LINGO2: variants seen among roughly 807,000 people sequenced by gnomAD.
LINGO2 encodes the protein leucine rich repeat and Ig domain containing 2.
LINGO2 carries 14 observed loss-of-function variants against 30.6 expected under a neutral mutation model. The observed-to-expected ratio is 0.46, with a 90% CI of 0.30 to 0.72. LINGO2 has a LOEUF of 0.72. LINGO2 is among the 30% of genes least tolerant of loss of function. The pLI is 0.07. For missense variants in LINGO2, 729 were observed against 751.7 expected, an observed-to-expected ratio of 0.97 and a Z score of 0.35; for synonymous variants, 317 against 288.5, an observed-to-expected ratio of 1.10 and a Z score of -1.00.
chr9:29,208,918 C>T, the LINGO2 span, among the ~76,000 whole-genome samples: 3 of 152,090 alleles, frequency 2.0e-5, no homozygotes. Context: ...GAACTAGGAT[C>T]TTCTCTCTTG....
exon 6 of LINGO2, chr9:27,949,530 A>G: frequency 1.2e-6 from 2 of 1,613,970 alleles, no homozygotes; most frequent in South Asian, 1.1e-5. Context: ...GCCAGCACAC[A>G]TAGGTTGCTG....
At chr9:29,173,702 GAAGA>G in the LINGO2 span, among the ~76,000 whole-genome samples, 1 of 152,072 alleles carries the variant, frequency 6.6e-6, no homozygotes, top group Non-Finnish European at 1.5e-5. Context: ...TAAGTGTCAT[GAAGA>G]AAGAATGAGG....
chr9:28,277,322 A>G (rs114461200), intron 4 of LINGO2, among the ~76,000 whole-genome samples: 1 of 152,084 alleles, frequency 6.6e-6, no homozygotes, highest in Non-Finnish European at 1.5e-5. Context: ...TAGGAGGCAA[A>G]CTTAACCGAT....
At chr9:29,179,097 TA>T in the LINGO2 span, among the ~76,000 whole-genome samples, 1 of 149,388 alleles carries the variant, frequency 6.7e-6, no homozygotes, top group South Asian at 2.1e-4. Flanking sequence ...GAGACCTTGT[TA>T]AAGATGCTGG....
chr9:28,051,201 A>G (rs895556250), intron 4 of LINGO2, among the ~76,000 whole-genome samples: 1 of 141,138 alleles, frequency 7.1e-6, no homozygotes, highest in African/African-American at 2.7e-5. Context: ...TCATGACTAC[A>G]ACACCATCAG....
the LINGO2 span, among the ~76,000 whole-genome samples, chr9:28,913,510 C>A: frequency 3.3e-5 from 5 of 151,940 alleles, no homozygotes; most frequent in Admixed American, 1.3e-4. Flanking sequence ...CATCTTTGTT[C>A]AAGGATTCAA....
the LINGO2 span, among the ~76,000 whole-genome samples, chr9:29,000,330 T>C: frequency 2.6e-5 from 4 of 151,948 alleles, no homozygotes; most frequent in East Asian, 7.7e-4. Context: ...TACTATGCAC[T>C]GCATTAAAAA....
intron 4 of LINGO2, among the ~76,000 whole-genome samples, chr9:28,268,472 T>G (rs535381275): frequency 6.6e-6 from 1 of 152,162 alleles, no homozygotes; most frequent in South Asian, 2.1e-4. Flanking sequence ...TTGCATTTAT[T>G]GATTCAGGTG....
chr9:28,608,683 C>G (rs893193488), intron 1 of LINGO2, among the ~76,000 whole-genome samples: 8 of 151,884 alleles, frequency 5.3e-5, no homozygotes, highest in Non-Finnish European at 1.0e-4. Flanking sequence ...AATGAAACAT[C>G]ATTTGTTCTA....
chr9:28,285,065 T>C (rs1263235824), intron 4 of LINGO2, among the ~76,000 whole-genome samples: 2 of 152,198 alleles, frequency 1.3e-5, no homozygotes, highest in Admixed American at 6.5e-5. Flanking sequence ...AAAACACTTA[T>C]TGAGTGTTTA....
intron 4 of LINGO2, among the ~76,000 whole-genome samples, chr9:28,142,718 A>G (rs1827708177): frequency 6.6e-6 from 1 of 152,206 alleles, no homozygotes; most frequent in Admixed American, 6.5e-5. Flanking sequence ...TGACAGAACT[A>G]TCCCAACTCT....
At chr9:28,037,713 A>G (rs956059553) in intron 4 of LINGO2, among the ~76,000 whole-genome samples, 4 of 152,262 alleles carry the variant, frequency 2.6e-5, no homozygotes, top group African/African-American at 9.6e-5. Context: ...TGAACTACCA[A>G]TAAATTAGCG....
chr9:28,589,904 T>C (rs1179601514), intron 1 of LINGO2, among the ~76,000 whole-genome samples: 6 of 152,066 alleles, frequency 3.9e-5, no homozygotes, highest in Non-Finnish European at 1.5e-5. Context: ...CTTCAAAATA[T>C]ACTACAAGGC....
chr9:28,998,543 A>G, the LINGO2 span, among the ~76,000 whole-genome samples: 1 of 152,148 alleles, frequency 6.6e-6, no homozygotes, highest in Non-Finnish European at 1.5e-5. Context: ...TTACCCTACA[A>G]GAAAAATTCC....
chr9:28,109,233 A>G (rs1826695847), intron 4 of LINGO2, among the ~76,000 whole-genome samples: 1 of 152,226 alleles, frequency 6.6e-6, no homozygotes, highest in Admixed American at 6.5e-5. Flanking sequence ...TTAGGCATTG[A>G]TGGAACATAT....
At chr9:28,226,440 TATTA>T (rs1431676287) in intron 4 of LINGO2, among the ~76,000 whole-genome samples, 15 of 152,184 alleles carry the variant, frequency 9.9e-5, no homozygotes, top group African/African-American at 3.4e-4. Flanking sequence ...ACGTCTGCTA[TATTA>T]ATTATCATTT....
At chr9:28,332,179 C>G (rs555489834) in intron 3 of LINGO2, among the ~76,000 whole-genome samples, 1 of 151,962 alleles carries the variant, frequency 6.6e-6, no homozygotes, top group South Asian at 2.1e-4. Context: ...CTTTCAATCT[C>G]TTTTTAGAAT....
chr9:28,857,585 G>A, the LINGO2 span, among the ~76,000 whole-genome samples: 3 of 151,964 alleles, frequency 2.0e-5, no homozygotes, highest in East Asian at 1.9e-4. Context: ...GCAAAGGGGC[G>A]TGAGCTAGAC....
chr9:29,037,891 A>G, the LINGO2 span, among the ~76,000 whole-genome samples: 1 of 152,054 alleles, frequency 6.6e-6, no homozygotes, highest in African/African-American at 2.4e-5. Context: ...CATGGAAAGT[A>G]CTATGCAAAT....
Sources: allele counts gnomAD v4.1 joint callset (sites outside exome capture counted in the v4.1 genomes callset), GRCh38; gene constraint gnomAD v4.1.1; transcripts MANE v1.5; gene names NCBI Gene and HGNC (gene_info 2026-07-23, HGNC 2026-07-21).